Variants in MAGI2 observed in about 807,000 individuals in gnomAD.
MAGI2 encodes membrane-associated guanylate kinase, WW and PDZ domain-containing protein 2.
In MAGI2, 35 loss-of-function variants were observed where a neutral mutation model predicts 133.3. That is an observed-to-expected ratio of 0.26 (90% confidence interval 0.20 to 0.35). MAGI2 has a LOEUF of 0.35. Ranked by LOEUF, MAGI2 falls within the 10% of genes least tolerant of loss-of-function variation. The probability of loss-of-function intolerance (pLI) is 1.00; values close to 1 mark genes in which losing one functional copy is unlikely to be tolerated. For synonymous variants in MAGI2, 729 were observed against 710.6 expected (o/e 1.03, Z -0.41); for missense variants, 1,636 against 1,863.4 (o/e 0.88, Z 2.25).
At chr7:78,113,813 GAGT>G (rs781113706) in intron 20 of MAGI2, among the ~76,000 whole-genome samples, 29 of 152,330 alleles carry the variant, frequency 1.9e-4, no homozygotes, top group Admixed American at 1.0e-3. Context: ...GAGAACAAGA[GAGT>G]AGAAGAATAG....
At chr7:78,439,018 C>G (rs1408962664) in intron 6 of MAGI2, among the ~76,000 whole-genome samples, 1 of 152,140 alleles carries the variant, frequency 6.6e-6, no homozygotes, top group Non-Finnish European at 1.5e-5. Context: ...ACTACCTGTT[C>G]CTGGTGAACC....
intron 1 of MAGI2, among the ~76,000 whole-genome samples, chr7:79,399,884 T>C (rs191335206): frequency 9.1e-4 from 138 of 152,326 alleles, no homozygotes; most frequent in Middle Eastern, 6.8e-3. Context: ...AGATTGTTCA[T>C]TTGTGTTAAT....
intron 9 of MAGI2, among the ~76,000 whole-genome samples, chr7:78,327,582 G>A (rs1445057360): frequency 1.3e-5 from 2 of 152,172 alleles, no homozygotes; most frequent in African/African-American, 2.4e-5. Context: ...TGGAGGCTAG[G>A]GTGAGAGGAG....
At chr7:78,744,536 GTA>G (rs1822746941) in intron 2 of MAGI2, among the ~76,000 whole-genome samples, 1 of 151,986 alleles carries the variant, frequency 6.6e-6, no homozygotes, top group South Asian at 2.1e-4. Flanking sequence ...ACAAAAAAAC[GTA>G]TCTCATTTAA....
intron 1 of MAGI2, among the ~76,000 whole-genome samples, chr7:79,181,592 G>C (rs934875031): frequency 2.4e-4 from 37 of 151,914 alleles, no homozygotes; most frequent in African/African-American, 8.2e-4. Context: ...AAAGGTCTCT[G>C]ACATGGCCTG....
At chr7:79,186,057 G>A (rs1035667700) in intron 1 of MAGI2, among the ~76,000 whole-genome samples, 2 of 151,216 alleles carry the variant, frequency 1.3e-5, no homozygotes, top group African/African-American at 4.9e-5. Context: ...TACAGAGCCA[G>A]TGCTAAAAAA....
At chr7:78,546,676 ATCTCTC>A (rs3086440) in intron 3 of MAGI2, among the ~76,000 whole-genome samples, 59,304 of 150,136 alleles carry the variant, frequency 0.4, 11,882 homozygotes, top group South Asian at 0.5. Flanking sequence ...AAAGATCCTC[ATCTCTC>A]TCTCTCTCTC....
chr7:79,420,691 C>T (rs767539547), intron 1 of MAGI2, among the ~76,000 whole-genome samples: 17 of 151,978 alleles, frequency 1.1e-4, no homozygotes, highest in Non-Finnish European at 2.4e-4. Context: ...TTTGCATCTA[C>T]GCCACCAAGA....
At chr7:78,844,226 A>G (rs936747390) in intron 2 of MAGI2, among the ~76,000 whole-genome samples, 4 of 151,620 alleles carry the variant, frequency 2.6e-5, no homozygotes, top group Non-Finnish European at 5.9e-5. Flanking sequence ...CAATAATTGT[A>G]TATATACTGA....
At chr7:79,012,058 T>C (rs1336184186) in intron 1 of MAGI2, 1 of 152,054 alleles carries the variant, frequency 6.6e-6, no homozygotes. Flanking sequence ...CTGCCCTTAC[T>C]TAGTCAATCA....
intron 9 of MAGI2, among the ~76,000 whole-genome samples, chr7:78,304,944 A>C (rs934723122): frequency 2.6e-5 from 4 of 152,200 alleles, no homozygotes; most frequent in Non-Finnish European, 5.9e-5. Flanking sequence ...GTGTGTGTGG[A>C]ATGGAGTAGC....
chr7:78,796,071 T>C (rs563528394), intron 2 of MAGI2, among the ~76,000 whole-genome samples: 129 of 152,214 alleles, frequency 8.5e-4, no homozygotes, highest in African/African-American at 2.9e-3. Context: ...GTCATTGGTC[T>C]GGGGAAAAAT....
rs138650804 is a variant in MAGI2 at position 78,497,614 on chromosome 7, G to T, written c.965+3963C>A. ...TTGCATAAAAAAAGACAAGTAAATG[G>T]AATTGCTTGTTACCTTAACTCAAAA... On this transcript the variant is annotated intron_variant, in intron 5 of 21. Transcript: ENST00000354212. Among the ~76,000 whole-genome samples the T allele has an allele frequency of 5.4e-3, 816 of 152,140 alleles. 11 individuals are homozygous for T. Among genetic ancestry groups the T allele is most frequent in the African/African-American group, 0.019 (784 of 41,518 alleles).
chr7:78,420,225 C>T (rs1798674120), intron 6 of MAGI2, among the ~76,000 whole-genome samples: 1 of 152,176 alleles, frequency 6.6e-6, no homozygotes, highest in African/African-American at 2.4e-5. Flanking sequence ...TGAATAAAGG[C>T]TCTTCAGAGG....
chr7:79,136,414 A>G (rs1821580514), intron 1 of MAGI2, among the ~76,000 whole-genome samples: 1 of 152,236 alleles, frequency 6.6e-6, no homozygotes, highest in Non-Finnish European at 1.5e-5. Context: ...TAAGAAAGAC[A>G]TGCAAATCTG....
chr7:78,819,040 A>G (rs1433774621), intron 2 of MAGI2, among the ~76,000 whole-genome samples: 1 of 152,112 alleles, frequency 6.6e-6, no homozygotes, highest in Non-Finnish European at 1.5e-5. Flanking sequence ...GTTTTTCTAT[A>G]TATTTGAAAT....
At chr7:79,135,118 G>A (rs1326173226) in intron 1 of MAGI2, among the ~76,000 whole-genome samples, 1 of 152,274 alleles carries the variant, frequency 6.6e-6, no homozygotes, top group East Asian at 1.9e-4. Flanking sequence ...GGTATCAGGT[G>A]GTGTGACTAT....
Position 79,449,833 on chromosome 7 carries a change from T to G in MAGI2, c.301+3187A>C, listed in dbSNP as rs1471031989. On this transcript the variant is annotated intron_variant, in intron 1 of 21. Coordinates refer to ENST00000354212, the MANE Select transcript of MAGI2 (RefSeq NM_012301.4). ...TTTCATTAAACAGTTTTAAAAATTG[T>G]TTTGCAGGTATTTAAACAGTGTAGA... 3.5e-5 allele frequency among the ~76,000 whole-genome samples: 5 copies of G among 144,362 alleles called. 1 individual carries two copies. 94.7% of individuals were successfully genotyped at this position (144,362 alleles called of 152,430 possible).
At chr7:78,678,332 G>A in intron 2 of MAGI2, among the ~76,000 whole-genome samples, 1 of 151,982 alleles carries the variant, frequency 6.6e-6, no homozygotes, top group East Asian at 1.9e-4. Context: ...TCATGAAAAG[G>A]GCTCATCATC....
Sources: gnomAD v4.1 joint callset for allele counts (sites outside exome capture counted in the v4.1 genomes callset) on GRCh38, gnomAD v4.1.1 for gene constraint, MANE v1.5 for transcripts, NCBI Gene and HGNC (gene_info 2026-07-23, HGNC 2026-07-21) for gene names.